Variants in DNER observed in about 807,000 individuals in gnomAD.
DNER encodes delta/notch like EGF repeat containing.
In DNER, 33 loss-of-function variants were observed where a neutral mutation model predicts 78.2. The ratio of observed to expected loss-of-function variants is 0.42; its 90% CI spans 0.32 to 0.56. The LOEUF (loss-of-function observed/expected upper bound fraction) is 0.56, where lower values mean the gene tolerates loss of function less well. Ranked by LOEUF, DNER falls within the 20% of genes least tolerant of loss-of-function variation. DNER has a pLI of 0.11. For missense variants in DNER, 918 were observed against 975.3 expected (o/e 0.94, Z 0.78); for synonymous variants, 417 against 384.8 (o/e 1.08, Z -0.98).
At chr2:229,365,292 G>C (rs1229779014) in intron 12 of DNER, among the ~76,000 whole-genome samples, 1 of 152,144 alleles carries the variant, frequency 6.6e-6, no homozygotes. Context: ...AGGAGTCACA[G>C]AGACAGTACC....
chr2:229,561,178 G>A (rs1250475140), intron 4 of DNER, among the ~76,000 whole-genome samples: 1 of 152,110 alleles, frequency 6.6e-6, no homozygotes, highest in Non-Finnish European at 1.5e-5. Flanking sequence ...GCCAAAAAAT[G>A]CTTTCCAAAT....
chr2:229,366,799 T>C (rs1574807934), intron 12 of DNER, 74 bp downstream of exon 12: 6 of 1,586,432 alleles, frequency 3.8e-6, no homozygotes, highest in East Asian at 4.5e-5. Context: ...TGGAAAGTCC[T>C]GTGTATAATA....
At chr2:229,493,472 A>C (rs1695443627) in intron 6 of DNER, among the ~76,000 whole-genome samples, 1 of 152,212 alleles carries the variant, frequency 6.6e-6, no homozygotes, top group Admixed American at 6.5e-5. Context: ...TACAAGGCAC[A>C]GGGCTTGGCA....
intron 4 of DNER, among the ~76,000 whole-genome samples, chr2:229,561,561 A>G (rs1437725974): frequency 2.0e-5 from 3 of 152,200 alleles, no homozygotes; most frequent in Non-Finnish European, 4.4e-5. Flanking sequence ...ACAAAAAAAA[A>G]TTATATTGAG....
At chr2:229,485,454 G>A (rs990409240) in intron 6 of DNER, among the ~76,000 whole-genome samples, 2 of 152,146 alleles carry the variant, frequency 1.3e-5, no homozygotes, top group Admixed American at 6.6e-5. Context: ...ATACTATTTT[G>A]TATTTAAGTA....
chr2:229,683,585 A>T (rs1699425085), intron 1 of DNER, among the ~76,000 whole-genome samples: 1 of 152,238 alleles, frequency 6.6e-6, no homozygotes, highest in Non-Finnish European at 1.5e-5. Flanking sequence ...TTATCAGGTC[A>T]GTTCAGAAAA....
chr2:229,530,792 T>C (rs184745202), intron 5 of DNER, among the ~76,000 whole-genome samples: 2 of 152,352 alleles, frequency 1.3e-5, no homozygotes, highest in African/African-American at 4.8e-5. Flanking sequence ...TAAATGCTGA[T>C]CTTAGCCTTC....
chr2:229,405,876 G>A (rs1440290726), intron 10 of DNER, among the ~76,000 whole-genome samples: 4 of 151,984 alleles, frequency 2.6e-5, no homozygotes, highest in African/African-American at 9.7e-5. Context: ...CATGGGATAA[G>A]AATATCTGGG....
At chr2:229,446,554 G>C (rs1173216410) in intron 8 of DNER, among the ~76,000 whole-genome samples, 1 of 152,174 alleles carries the variant, frequency 6.6e-6, no homozygotes, top group Non-Finnish European at 1.5e-5. Context: ...GGGATTCATT[G>C]TGCTGGGAAG....
rs1559174468 is a variant in DNER at position 229,586,538 on chromosome 2, AAAAAAAAAAAAAC to A, written c.681-527_681-515del. 8.8e-4 allele frequency among the ~76,000 whole-genome samples: 70 copies of A among 79,226 alleles called. 10 individuals are homozygous for A. Among genetic ancestry groups the A allele is most frequent in the African/African-American group, 4.1e-3 (64 of 15,716 alleles). 52.0% of individuals were successfully genotyped at this position (79,226 alleles called of 152,430 possible). A position where few individuals can be genotyped will look rare whatever the true frequency, so the allele number is the denominator to read the frequency against. On this transcript the variant is annotated intron_variant, in intron 3 of 12. Transcript: ENST00000341772. ...AAAAAAAAAAAAAAAAAAAAAAAAA[AAAAAAAAAAAAAC>A]ACACAAAACCACCCCACAGAGAATA...
At position 229,477,137 on chromosome 2, in the gene DNER, T is replaced by G; in HGVS notation, c.1261+3A>C. 1.2e-6 allele frequency: 2 copies of G among 1,611,072 alleles called. No individual in the cohort carries two copies. Among genetic ancestry groups the G allele is most frequent in the South Asian group, 2.2e-5 (2 of 90,782 alleles). The stretch of plus-strand genomic sequence containing the variant: ...TCTTTCTGGAGTAATAAATACTAAT[T>G]ACCTTCTGGACACTGGCAGGTGAAT... On this transcript the variant is annotated splice_donor_region_variant and intron_variant, in intron 7 of 12. Transcript: ENST00000341772.
intron 9 of DNER, among the ~76,000 whole-genome samples, chr2:229,410,842 A>G (rs750170124): frequency 2.0e-5 from 3 of 152,240 alleles, no homozygotes; most frequent in Non-Finnish European, 4.4e-5. Context: ...TCAATATTTT[A>G]TCTCCAAGAA....
rs1186683300 is a variant in DNER at position 229,640,235 on chromosome 2, C to T, written c.277-48347G>A. Among the ~76,000 whole-genome samples, 6 of 152,350 alleles carry T rather than the reference C, an allele frequency of 3.9e-5. No individual in the cohort carries two copies. The South Asian group carries it at 8.3e-4, about 21-fold the overall frequency. ...AAAGTCAACACAATTTCAGCTCTAT[C>T]GTGGCAGGCCTTCGCCTCCTCTGTT... On this transcript the variant is annotated intron_variant, in intron 1 of 12. Coordinates refer to ENST00000341772, the MANE Select transcript of DNER (RefSeq NM_139072.4).
In DNER at chr2:229,396,445, G is replaced by GA. The variant is rs531440995; in HGVS notation, c.1724-8050dup. ...ATTTAAAGTTTGTTTCAAAGTGAAGGAAAAAAATGATATAGGTAAAACTAA... is the reference window on the plus strand; with the variant it reads ...ATTTAAAGTTTGTTTCAAAGTGAAGGAAAAAAAATGATATAGGTAAAACTAA... On this transcript the variant is annotated intron_variant, in intron 10 of 12. Transcript: ENST00000341772. Among the ~76,000 whole-genome samples, 64 of 152,092 alleles carry GA rather than the reference G, an allele frequency of 4.2e-4. No homozygotes were observed. The South Asian group carries it at 0.013, about 30-fold the overall frequency.
At chr2:229,683,082 G>A (rs897104911) in intron 1 of DNER, among the ~76,000 whole-genome samples, 53 of 152,052 alleles carry the variant, frequency 3.5e-4, no homozygotes, top group African/African-American at 1.2e-3. Flanking sequence ...TTTTGCCACA[G>A]GTAAACAAAT....
At chr2:229,599,185 GAGA>G (rs879786850) in intron 1 of DNER, among the ~76,000 whole-genome samples, 5 of 152,150 alleles carry the variant, frequency 3.3e-5, no homozygotes, top group African/African-American at 4.8e-5. Context: ...CAGAGAAGTG[GAGA>G]AGAAGATAGA....
chr2:229,628,538 A>G (rs1698382819), intron 1 of DNER, among the ~76,000 whole-genome samples: 1 of 152,196 alleles, frequency 6.6e-6, no homozygotes, highest in Non-Finnish European at 1.5e-5. Flanking sequence ...TCCAAAAGAT[A>G]TCTTATAAGA....
At chr2:229,363,105 A>G (rs1257462581) in intron 12 of DNER, among the ~76,000 whole-genome samples, 4 of 152,226 alleles carry the variant, frequency 2.6e-5, no homozygotes, top group African/African-American at 9.6e-5. Flanking sequence ...CCTGCTGGTC[A>G]GTTACAAGCT....
intron 6 of DNER, among the ~76,000 whole-genome samples, chr2:229,502,657 A>T (rs1403207113): frequency 1.3e-5 from 2 of 152,162 alleles, no homozygotes; most frequent in African/African-American, 2.4e-5. Flanking sequence ...GAAACAGAAG[A>T]TATTACATGG....
Sources: allele counts gnomAD v4.1 joint callset (sites outside exome capture counted in the v4.1 genomes callset), GRCh38; gene constraint gnomAD v4.1.1; transcripts MANE v1.5; gene names NCBI Gene and HGNC (gene_info 2026-07-23, HGNC 2026-07-21).